The following BICC1 variants were observed in gnomAD, a reference collection of about 807,000 sequenced individuals.
BICC1 encodes protein bicaudal C homolog 1.
BICC1 carries 43 observed loss-of-function variants against 111.0 expected under a neutral mutation model. That is an observed-to-expected ratio of 0.39 (90% CI 0.30 to 0.50). The LOEUF (loss-of-function observed/expected upper bound fraction) is 0.50, where lower values mean the gene tolerates loss of function less well. BICC1 is among the 20% of genes least tolerant of loss of function. BICC1 has a pLI of 0.88. For synonymous variants in BICC1, 467 were observed against 434.4 expected, an observed-to-expected ratio of 1.07 and a Z score of -0.93; for missense variants, 1,091 against 1,203.2, an observed-to-expected ratio of 0.91 and a Z score of 1.38.
At chr10:58,661,377 C>G (rs1174126136) in intron 2 of BICC1, among the ~76,000 whole-genome samples, 1 of 152,050 alleles carries the variant, frequency 6.6e-6, no homozygotes, top group African/African-American at 2.4e-5. Context: ...AACCCCACCT[C>G]CTTTAGGAAA....
intron 13 of BICC1, among the ~76,000 whole-genome samples, 187 bp downstream of exon 13, chr10:58,800,513 G>A (rs1425712579): frequency 6.6e-6 from 1 of 152,146 alleles, no homozygotes; most frequent in Non-Finnish European, 1.5e-5. Context: ...TAACTGAAAA[G>A]CACTTTCCAC....
rs554091597 is a variant in BICC1, at chr10:58,560,438, G to A, written c.190+47105G>A. Among the ~76,000 whole-genome samples, 293 of 146,708 alleles carry A rather than the reference G, an allele frequency of 2.0e-3. 1 individual carries two copies. Among genetic ancestry groups the A allele is most frequent in the African/African-American group, 6.7e-3 (269 of 40,026 alleles). On this transcript the variant is annotated intron_variant, in intron 1 of 20. Transcript: ENST00000373886. ...CTTTTATTTCTGATTTTGTTTATTC[G>A]GGTATTCTCTCTTTCTCCTGGTTAG...
At chr10:58,771,642 A>C (rs1173532191) in intron 3 of BICC1, among the ~76,000 whole-genome samples, 3 of 152,346 alleles carry the variant, frequency 2.0e-5, no homozygotes, top group African/African-American at 7.2e-5. Context: ...CAGTGGTTTC[A>C]GGAACAGAAG....
At chr10:58,560,391 T>G (rs1649054) in intron 1 of BICC1, among the ~76,000 whole-genome samples, 151,218 of 152,146 alleles carry the variant, frequency 0.99, 75,151 homozygotes, top group East Asian at 1. Flanking sequence ...TATTTCTGTG[T>G]TATCAATTGT....
chr10:58,660,872 A>T (rs1194738313), intron 2 of BICC1, among the ~76,000 whole-genome samples: 2 of 152,212 alleles, frequency 1.3e-5, no homozygotes, highest in Non-Finnish European at 2.9e-5. Flanking sequence ...TACACACATT[A>T]TGTCTCTTTA....
At chr10:58,527,902 G>T (rs755946650) in intron 1 of BICC1, among the ~76,000 whole-genome samples, 1 of 151,900 alleles carries the variant, frequency 6.6e-6, no homozygotes, top group Non-Finnish European at 1.5e-5. Context: ...ACTAGCTTTG[G>T]TTATGCTTTC....
At chr10:58,780,460 A>G (rs1348387140) in intron 3 of BICC1, among the ~76,000 whole-genome samples, 1 of 152,216 alleles carries the variant, frequency 6.6e-6, no homozygotes, top group Non-Finnish European at 1.5e-5. Context: ...TCTCAGCAGC[A>G]CTTAATCATG....
At chr10:58,697,369 C>G (rs1464626388) in intron 2 of BICC1, among the ~76,000 whole-genome samples, 1 of 152,100 alleles carries the variant, frequency 6.6e-6, no homozygotes, top group South Asian at 2.1e-4. Flanking sequence ...GAAAATGTTA[C>G]TTTAATGTTT....
intron 3 of BICC1, chr10:58,716,117 C>T (rs1264455124): frequency 6.0e-6 from 9 of 1,499,308 alleles, no homozygotes; most frequent in South Asian, 3.6e-5. Flanking sequence ...GAAGATAAAC[C>T]TTTATCATCT....
chr10:58,701,621 T>A (rs1202027588), intron 2 of BICC1, among the ~76,000 whole-genome samples: 1 of 152,200 alleles, frequency 6.6e-6, no homozygotes. Flanking sequence ...AGCAAGTTAT[T>A]TTTTCCCCCA....
At chr10:58,575,788 A>G (rs1179793486) in intron 1 of BICC1, among the ~76,000 whole-genome samples, 2 of 152,078 alleles carry the variant, frequency 1.3e-5, no homozygotes, top group Non-Finnish European at 2.9e-5. Flanking sequence ...TTTTCAATGT[A>G]TTACCATAAA....
intron 1 of BICC1, among the ~76,000 whole-genome samples, chr10:58,572,304 T>C (rs375748140): frequency 9.8e-4 from 150 of 152,310 alleles, no homozygotes; most frequent in African/African-American, 3.4e-3. Flanking sequence ...TAGTTTCTTT[T>C]GCTGTGCAGA....
chr10:58,823,504 G>A (rs1366399008), intron 20 of BICC1: 17 of 984,076 alleles, frequency 1.7e-5, no homozygotes, highest in Non-Finnish European at 1.9e-5. Context: ...ATCGATTAGG[G>A]TTGGATTCCC....
rs116286427 is a variant in BICC1 at position 58,571,241 on chromosome 10, T to A, written c.191-49614T>A. 2.3e-3 allele frequency among the ~76,000 whole-genome samples: 347 copies of A among 152,318 alleles called. 3 individuals are homozygous for A. The highest frequency in any genetic ancestry group is 7.6e-3 in the African/African-American group (316 of 41,574). ...GAAAACTTTGTTTTCCCTGGGCCTATCCAAATACCAAGCTCATGGAAGAGG... is the reference window on the plus strand; with the variant it reads ...GAAAACTTTGTTTTCCCTGGGCCTAACCAAATACCAAGCTCATGGAAGAGG... On this transcript the variant is annotated intron_variant, in intron 1 of 20. Transcript: ENST00000373886.
intron 1 of BICC1, among the ~76,000 whole-genome samples, chr10:58,618,296 C>A (rs1179194510): frequency 6.6e-6 from 1 of 152,218 alleles, no homozygotes; most frequent in Non-Finnish European, 1.5e-5. Flanking sequence ...AGGCAGACAT[C>A]CGGTCTTGCA....
At chr10:58,570,088 A>G (rs1843899839) in intron 1 of BICC1, among the ~76,000 whole-genome samples, 3 of 152,102 alleles carry the variant, frequency 2.0e-5, no homozygotes, top group African/African-American at 4.8e-5. Context: ...TTGGGGGAAA[A>G]TATTTCTGAG....
chr10:58,814,426 A>C, intron 18 of BICC1: 1 of 364,764 alleles, frequency 2.7e-6, no homozygotes, highest in Non-Finnish European at 5.0e-6. Flanking sequence ...TGTGAAATGA[A>C]TGCATGAATG....
intron 8 of BICC1, among the ~76,000 whole-genome samples, chr10:58,790,317 A>C (rs1843138607): frequency 1.3e-5 from 2 of 152,198 alleles, no homozygotes; most frequent in Admixed American, 1.3e-4. Context: ...CAGAAAAGTA[A>C]AAATACTATT....
intron 1 of BICC1, among the ~76,000 whole-genome samples, chr10:58,589,941 G>A (rs1844555003): frequency 1.3e-5 from 2 of 152,064 alleles, no homozygotes; most frequent in South Asian, 4.1e-4. Context: ...GAGTAGCTAG[G>A]ACCATATATG....
Sources: allele counts gnomAD v4.1 joint callset (sites outside exome capture counted in the v4.1 genomes callset), GRCh38; gene constraint gnomAD v4.1.1; transcripts MANE v1.5; gene names NCBI Gene and HGNC (gene_info 2026-07-23, HGNC 2026-07-21).